Variants in ABI3BP observed in about 807,000 individuals in gnomAD.
ABI3BP encodes the protein target of Nesh-SH3.
A neutral mutation model predicts 268.6 loss-of-function variants in ABI3BP; 216 were observed. That is an observed-to-expected ratio of 0.80 (90% confidence interval 0.72 to 0.90). The LOEUF (loss-of-function observed/expected upper bound fraction) is 0.90. Ranked by LOEUF, ABI3BP falls within the 40% of genes least tolerant of loss-of-function variation. The probability of loss-of-function intolerance (pLI) is 0.00; values close to 1 mark genes in which losing one functional copy is unlikely to be tolerated. For synonymous variants in ABI3BP, 730 were observed against 730.0 expected, an observed-to-expected ratio of 1.00 and a Z score of 0.00; for missense variants, 2,090 against 2,182.4, an observed-to-expected ratio of 0.96 and a Z score of 0.84.
At position 100,885,550 on chromosome 3, in the gene ABI3BP, G is replaced by A; in HGVS notation, c.682C>T (p.Gln228Ter). 6.4e-7 allele frequency: 1 copy of A among 1,557,642 alleles called. No homozygotes were observed. The highest frequency in any genetic ancestry group is 2.3e-5 in the East Asian group (1 of 43,412). ...VNGKIQSTYD[Q>*]DHTVPAYVPR... ...CTGTTACATACCACTGTGTGGTCTT[G>A]GTCATAGGTACTTTGGATTTTCCCA... The change falls in exon 6 of 68, where the codon CAA (glutamine) becomes TAA (stop). Residue 228 changes from glutamine to a stop codon, truncating the protein, a stop_gained. Coordinates refer to ENST00000471714, the MANE Select transcript of ABI3BP (RefSeq NM_001375547.2). LOFTEE classifies it high-confidence loss of function.
intron 56 of ABI3BP, among the ~76,000 whole-genome samples, chr3:100,789,168 T>C (rs1050660831): frequency 6.6e-6 from 1 of 152,132 alleles, no homozygotes; most frequent in Non-Finnish European, 1.5e-5. Flanking sequence ...TAGCTAACTC[T>C]ATGCAACCTC....
At chr3:100,810,390 A>G in intron 49 of ABI3BP, 22 bp downstream of exon 49, 1 of 1,517,652 alleles carries the variant, frequency 6.6e-7, no homozygotes, top group Non-Finnish European at 8.8e-7. Flanking sequence ...CTCATATATG[A>G]CATACAAAAT....
rs1160121446 is a variant in ABI3BP, at chr3:100,820,277, G to A, written c.2974C>T (p.Arg992Cys). The A allele has an allele frequency of 5.9e-6, 9 of 1,536,074 alleles. No individual in the cohort carries two copies. The highest frequency in any genetic ancestry group is 2.4e-5 in the East Asian group (1 of 40,916). The change falls in exon 40 of 68, where the codon CGT becomes TGT. Residue 992 changes from arginine to cysteine, a missense_variant. Coordinates refer to ENST00000471714, the MANE Select transcript of ABI3BP (RefSeq NM_001375547.2). ...GTGGTTTTAGTTTTGGGACGTGGAC[G>A]ACGAGTTCGTTGTGATGTTTTAGGA... ...QAPKTSQRTR[R>C]PRPKTKTTPS...
At chr3:100,921,066 A>G (rs2060069727) in intron 2 of ABI3BP, among the ~76,000 whole-genome samples, 1 of 152,214 alleles carries the variant, frequency 6.6e-6, no homozygotes, top group East Asian at 1.9e-4. Context: ...AGTTATAGGC[A>G]AGATAGTGAC....
At position 100,971,143 on chromosome 3, in the gene ABI3BP, T is replaced by C. The variant is rs543939621; in HGVS notation, c.79+22163A>G. 2.6e-5 allele frequency among the ~76,000 whole-genome samples: 4 copies of C among 152,290 alleles called. No homozygotes were observed. The East Asian group carries it at 7.7e-4, about 29-fold the overall frequency. On this transcript the variant is annotated intron_variant, in intron 1 of 67. Coordinates refer to ENST00000471714, the MANE Select transcript of ABI3BP (RefSeq NM_001375547.2). ...GCAAGTGTCAGGCAAACATTTGTAT[T>C]TCAGTTAGGAATTTCTGCAGTGAAG...
intron 1 of ABI3BP, among the ~76,000 whole-genome samples, chr3:100,981,699 A>G (rs570596307): frequency 3.3e-4 from 50 of 152,326 alleles, no homozygotes; most frequent in African/African-American, 1.1e-3. Context: ...TCCTTCAGGG[A>G]GAGCTGGATG....
chr3:100,775,570 G>A (rs1055793580), intron 59 of ABI3BP, among the ~76,000 whole-genome samples: 4 of 152,108 alleles, frequency 2.6e-5, no homozygotes, highest in South Asian at 2.1e-4. Context: ...CAGAGGGGGC[G>A]CGTAAGAAGA....
At position 100,890,399 on chromosome 3, in the gene ABI3BP, C is replaced by T. The variant is rs117594870; in HGVS notation, c.462-4076G>A. On this transcript the variant is annotated intron_variant, in intron 4 of 67. Coordinates refer to ENST00000471714, the MANE Select transcript of ABI3BP (RefSeq NM_001375547.2). ...TCTTCCCCTTCATTCTCTCTTTGTC[C>T]CACTCTGATTTCAAGGGAAAAAGCA... 3.5e-3 allele frequency among the ~76,000 whole-genome samples: 537 copies of T among 152,070 alleles called. 12 individuals carry two copies. The highest frequency in any genetic ancestry group is 2.3e-3 in the East Asian group (12 of 5,168).
intron 1 of ABI3BP, among the ~76,000 whole-genome samples, chr3:100,977,434 C>T (rs1261919248): frequency 6.6e-6 from 1 of 152,142 alleles, no homozygotes; most frequent in East Asian, 1.9e-4. Flanking sequence ...GCCAGGATTA[C>T]CATCACCTGA....
At chr3:100,874,707 C>T in intron 9 of ABI3BP, 134 bp downstream of exon 9, 1 of 529,192 alleles carries the variant, frequency 1.9e-6, no homozygotes, top group Non-Finnish European at 3.4e-6. Context: ...CTCCAACACT[C>T]CAACCTCTTT....
In ABI3BP at chr3:100,816,233, A is replaced by C. The variant is rs560349463; in HGVS notation, c.3230-262T>G. 5.4e-5 allele frequency: 26 copies of C among 481,234 alleles called. No individual in the cohort carries two copies. In the South Asian group the frequency reaches 7.0e-4, roughly 13 times the overall value. The allele number at this position is 481,234 out of a possible 1,614,324, so 29.8% of individuals were successfully genotyped here. A position where few individuals can be genotyped will look rare whatever the true frequency, so the allele number is the denominator to read the frequency against. ...GTTTTCCTAGGTATTTGGTTTTCTA[A>C]CTAGTATGGATATTTGGCTTTGGAA... On this transcript the variant is annotated intron_variant, in intron 43 of 67. Transcript: ENST00000471714.
At chr3:100,805,243 C>A (rs138552790) in intron 50 of ABI3BP, among the ~76,000 whole-genome samples, 2 of 152,030 alleles carry the variant, frequency 1.3e-5, no homozygotes, top group African/African-American at 4.8e-5. Flanking sequence ...TCCTTAAAGA[C>A]AAAGTAGGTA....
At chr3:100,959,898 A>G (rs929460556) in intron 1 of ABI3BP, among the ~76,000 whole-genome samples, 4 of 152,152 alleles carry the variant, frequency 2.6e-5, no homozygotes, top group African/African-American at 9.7e-5. Context: ...CATAAAAACT[A>G]CTTCCCTCAG....
intron 34 of ABI3BP, among the ~76,000 whole-genome samples, chr3:100,826,728 C>T (rs552790170): frequency 6.6e-6 from 1 of 152,090 alleles, no homozygotes; most frequent in Non-Finnish European, 1.5e-5. Context: ...TCTGTCCAAA[C>T]AAAAGCACTC....
At chr3:100,924,506 G>A (rs1204749247) in intron 2 of ABI3BP, among the ~76,000 whole-genome samples, 1 of 152,082 alleles carries the variant, frequency 6.6e-6, no homozygotes, top group Admixed American at 6.6e-5. Context: ...AATGAATACA[G>A]TATGTATGAA....
In ABI3BP at chr3:100,801,400, C is replaced by G. The variant is rs1316950271; in HGVS notation, c.3757+3392G>C. Among the ~76,000 whole-genome samples the G allele has an allele frequency of 3.0e-5, 4 of 134,756 alleles. No homozygotes were observed. The South Asian group carries it at 6.9e-4, about 23-fold the overall frequency. 88.4% of individuals were successfully genotyped at this position (134,756 alleles called of 152,430 possible). On this transcript the variant is annotated intron_variant, in intron 51 of 67. Transcript: ENST00000471714. ...CTATGATTGCATCATTACACTCCAGCCTGGGCAACAGAGTGATATCCTGTC... is the reference window on the plus strand; with the variant it reads ...CTATGATTGCATCATTACACTCCAGGCTGGGCAACAGAGTGATATCCTGTC...
intron 17 of ABI3BP, 40 bp downstream of exon 17, chr3:100,850,005 T>C: frequency 6.5e-7 from 1 of 1,544,230 alleles, no homozygotes; most frequent in Non-Finnish European, 8.9e-7. Flanking sequence ...ATTACCTGTT[T>C]CGTCAATGCA....
intron 64 of ABI3BP, 147 bp downstream of exon 64, chr3:100,754,462 CCTT>C: frequency 1.4e-6 from 1 of 699,224 alleles, no homozygotes; most frequent in Non-Finnish European, 2.4e-6. Flanking sequence ...TTTCTCTAAA[CCTT>C]CATCAGTTTG....
At chr3:100,797,359 A>G (rs758587978) in intron 51 of ABI3BP, among the ~76,000 whole-genome samples, 3 of 152,066 alleles carry the variant, frequency 2.0e-5, no homozygotes, top group Non-Finnish European at 2.9e-5. Context: ...TTCCACAAAT[A>G]GTGTAAAGTA....
Sources: allele counts gnomAD v4.1 joint callset (sites outside exome capture counted in the v4.1 genomes callset), GRCh38; gene constraint gnomAD v4.1.1; transcripts MANE v1.5; gene names NCBI Gene and HGNC (gene_info 2026-07-23, HGNC 2026-07-21).